The following KAZN variants were observed in gnomAD, a reference collection of about 807,000 sequenced individuals.
The protein encoded by KAZN is kazrin, periplakin interacting protein.
In KAZN, 40 loss-of-function variants were observed where a neutral mutation model predicts 87.4. The observed-to-expected ratio is 0.46, with a 90% CI of 0.36 to 0.60. The LOEUF (loss-of-function observed/expected upper bound fraction) is 0.60. Ranked by LOEUF, KAZN falls within the 20% of genes least tolerant of loss-of-function variation. The probability of loss-of-function intolerance (pLI) is 0.00; values close to 1 mark genes in which losing one functional copy is unlikely to be tolerated. For missense variants in KAZN, 898 were observed against 1,073.9 expected (o/e 0.84, Z 2.29); for synonymous variants, 466 against 458.3 (o/e 1.02, Z -0.22).
rs565681534 is a variant in KAZN at position 14,576,383 on chromosome 1, G to A, written c.250-22600G>A. Among the ~76,000 whole-genome samples, 7 of 150,296 alleles carry A rather than the reference G, an allele frequency of 4.7e-5. No homozygotes were observed. In the East Asian group the frequency reaches 7.8e-4, roughly 17 times the overall value. The stretch of plus-strand genomic sequence containing the variant: ...ATGGATGATGGAACAATGGATGGCT[G>A]GGTGGATGGATGGATGGATGGACAG... On this transcript the variant is annotated intron_variant, in intron 2 of 16. Coordinates refer to the KAZN transcript ENST00000636203.
At chr1:14,651,024 A>G (rs1475001174) in intron 1 of KAZN, among the ~76,000 whole-genome samples, 2 of 152,256 alleles carry the variant, frequency 1.3e-5, no homozygotes, top group Non-Finnish European at 1.5e-5. Context: ...ATGAATCTCA[A>G]GAATTCGGAG....
chr1:14,980,595 T>C (rs1042489851), intron 2 of KAZN, among the ~76,000 whole-genome samples: 4 of 152,128 alleles, frequency 2.6e-5, no homozygotes, highest in African/African-American at 9.7e-5. Context: ...TGCTCCAGGC[T>C]CATCTGCATA....
chr1:14,628,190 C>G (rs1226214104), intron 1 of KAZN, among the ~76,000 whole-genome samples: 1 of 152,210 alleles, frequency 6.6e-6, no homozygotes, highest in East Asian at 1.9e-4. Context: ...GGGTGCAGTT[C>G]TGTGTAGCAT....
chr1:14,448,353 G>A (rs1394741260), intron 2 of KAZN, among the ~76,000 whole-genome samples: 1 of 152,202 alleles, frequency 6.6e-6, no homozygotes, highest in Non-Finnish European at 1.5e-5. Context: ...AGTGGCAAAG[G>A]CCAAGAGGGA....
Position 15,021,203 on chromosome 1 carries a change from C to T in KAZN, c.419-13546C>T, listed in dbSNP as rs76050454. On this transcript the variant is annotated intron_variant, in intron 2 of 14. Coordinates refer to ENST00000376030, the MANE Select transcript of KAZN (RefSeq NM_201628.3). This position sits in a 1 kb window ranked among gnomAD's most constrained non-coding sequence, Gnocchi z 4.2. ...CCGGCCATTCCCTGCTCCATGCTGCCTCTTCCTCCTTTCTCAAGACCGAGC... is the reference window on the plus strand; with the variant it reads ...CCGGCCATTCCCTGCTCCATGCTGCTTCTTCCTCCTTTCTCAAGACCGAGC... Among the ~76,000 whole-genome samples, 703 of 152,278 alleles carry T rather than the reference C, an allele frequency of 4.6e-3. 7 individuals are homozygous for T. Among genetic ancestry groups the T allele is most frequent in the African/African-American group, 0.015 (631 of 41,538 alleles).
At chr1:14,694,237 G>A (rs1461632800) in intron 1 of KAZN, among the ~76,000 whole-genome samples, 1 of 152,228 alleles carries the variant, frequency 6.6e-6, no homozygotes, top group Non-Finnish European at 1.5e-5. Flanking sequence ...GATCAACTCA[G>A]GCAGCTCCCA....
chr1:15,112,717 C>T, intron 14 of KAZN, 176 bp downstream of exon 14: 2 of 517,540 alleles, frequency 3.9e-6, no homozygotes. Context: ...CTTCACGATG[C>T]TTTGGGTACA....
intron 2 of KAZN, among the ~76,000 whole-genome samples, chr1:14,440,286 G>A (rs1347822807): frequency 3.9e-5 from 6 of 152,210 alleles, no homozygotes; most frequent in Middle Eastern, 3.2e-3. Context: ...ACTCCTCTCC[G>A]TAAATTACCT....
intron 1 of KAZN, among the ~76,000 whole-genome samples, chr1:13,996,166 G>C (rs550421071): frequency 3.0e-4 from 46 of 152,312 alleles, no homozygotes; most frequent in African/African-American, 1.1e-3. Context: ...GTGCTACCCA[G>C]CTGGGGAAAC....
At chr1:14,502,100 G>A (rs1156433650) in intron 2 of KAZN, among the ~76,000 whole-genome samples, 2 of 152,056 alleles carry the variant, frequency 1.3e-5, no homozygotes, top group South Asian at 2.1e-4. Flanking sequence ...TTTAAAAAAG[G>A]TAAATTTTAT....
chr1:15,093,357 G>A lies in KAZN; in HGVS notation c.1223-823G>A, dbSNP rs79163238. On this transcript the variant is annotated intron_variant, in intron 8 of 14. Coordinates refer to ENST00000376030, the MANE Select transcript of KAZN (RefSeq NM_201628.3). ...GTCGATCTAGAAGAATGATGAGACA[G>A]GTCTCAGTCATTTTAGGAGGTGTAT... 7.1e-3 allele frequency among the ~76,000 whole-genome samples: 1,082 copies of A among 152,102 alleles called. 13 individuals are homozygous for A. Among genetic ancestry groups the A allele is most frequent in the African/African-American group, 0.025 (1,041 of 41,464 alleles).
chr1:14,302,561 G>C (rs1279657753), intron 2 of KAZN, among the ~76,000 whole-genome samples: 1 of 152,236 alleles, frequency 6.6e-6, no homozygotes, highest in African/African-American at 2.4e-5. Flanking sequence ...ATAAAGGTTA[G>C]ATTCCAGGTG....
Position 14,747,006 on chromosome 1 carries a change from C to G in KAZN, c.226+147783C>G, listed in dbSNP as rs1489896822. Among the ~76,000 whole-genome samples the G allele has an allele frequency of 2.0e-5, 3 of 152,192 alleles. No homozygotes were observed. The East Asian group carries it at 5.8e-4, about 29-fold the overall frequency. On this transcript the variant is annotated intron_variant, in intron 1 of 14. Transcript: ENST00000376030. Reference sequence around the variant, plus strand: ...AGTAACTCCCCATCCCTTGTCCCCCCAGCCTCTGGTAGTTTCTATTCTACC... The same window carrying G: ...AGTAACTCCCCATCCCTTGTCCCCCGAGCCTCTGGTAGTTTCTATTCTACC...
chr1:13,983,352 G>A (rs567372627), intron 1 of KAZN, among the ~76,000 whole-genome samples: 4 of 152,356 alleles, frequency 2.6e-5, no homozygotes, highest in African/African-American at 4.8e-5. Flanking sequence ...GCGCAGTGCC[G>A]GTGGGCTGGC....
chr1:14,165,898 T>C (rs753018731), intron 1 of KAZN, among the ~76,000 whole-genome samples: 7 of 152,186 alleles, frequency 4.6e-5, no homozygotes, highest in Non-Finnish European at 7.4e-5. Flanking sequence ...AAGGGCTTCA[T>C]GAATGGTAAC....
rs149898783 is a variant in KAZN, at chr1:14,087,634, T to C, written c.92-92801T>C. Among the ~76,000 whole-genome samples the C allele has an allele frequency of 6.5e-3, 992 of 152,204 alleles. 10 individuals are homozygous for C. In the South Asian group the frequency reaches 0.066, roughly 10 times the overall value. On this transcript the variant is annotated intron_variant, in intron 1 of 16. Coordinates refer to the KAZN transcript ENST00000636203. The stretch of plus-strand genomic sequence containing the variant: ...AGATTGAGGAAGTTCCTTTCTATTC[T>C]TATTTTGCTGAGAGTTTTTTTTATC...
intron 1 of KAZN, among the ~76,000 whole-genome samples, chr1:14,098,225 T>C (rs1294576232): frequency 1.3e-5 from 2 of 152,150 alleles, no homozygotes; most frequent in Non-Finnish European, 2.9e-5. Flanking sequence ...TTTAGCATCT[T>C]ATATTCAGAG....
At chr1:14,764,601 C>A (rs1240707990) in intron 1 of KAZN, among the ~76,000 whole-genome samples, 2 of 152,000 alleles carry the variant, frequency 1.3e-5, no homozygotes, top group Non-Finnish European at 2.9e-5. Flanking sequence ...GAGCTCATAC[C>A]AGGCACTCAG....
chr1:14,065,347 A>T (rs1409269110), intron 1 of KAZN, among the ~76,000 whole-genome samples: 1 of 151,770 alleles, frequency 6.6e-6, no homozygotes, highest in Non-Finnish European at 1.5e-5. Flanking sequence ...TTTCACGGTA[A>T]CACACACATG....
Sources: gnomAD v4.1 joint callset for allele counts (sites outside exome capture counted in the v4.1 genomes callset) on GRCh38, gnomAD v4.1.1 for gene constraint, Gnocchi (gnomAD v3.1) non-coding constraint, MANE v1.5 for transcripts, NCBI Gene and HGNC (gene_info 2026-07-23, HGNC 2026-07-21) for gene names.